ADAMTSL3: variants seen among roughly 807,000 people sequenced by gnomAD.
ADAMTSL3 encodes the protein ADAMTS like 3, also known as ADAMTS-like protein 3.
ADAMTSL3 carries 128 observed loss-of-function variants against 201.7 expected under a neutral mutation model. That is an observed-to-expected ratio of 0.63 (90% CI 0.55 to 0.73). The LOEUF (loss-of-function observed/expected upper bound fraction) is 0.73. ADAMTSL3 is among the 30% of genes least tolerant of loss of function. The probability of loss-of-function intolerance (pLI) is 0.00; values close to 1 mark genes in which losing one functional copy is unlikely to be tolerated. For missense variants in ADAMTSL3, 1,990 were observed against 2,119.6 expected (o/e 0.94, Z 1.20); for synonymous variants, 738 against 748.4 (o/e 0.99, Z 0.23).
chr15:83,769,674 A>C (rs760755697), intron 3 of ADAMTSL3, among the ~76,000 whole-genome samples: 3 of 152,192 alleles, frequency 2.0e-5, no homozygotes, highest in Non-Finnish European at 4.4e-5. Context: ...CCCATTGACC[A>C]GTGAGACTTG....
At chr15:84,027,518 C>T (rs1008198796) in intron 27 of ADAMTSL3, among the ~76,000 whole-genome samples, 7 of 151,890 alleles carry the variant, frequency 4.6e-5, no homozygotes, top group Non-Finnish European at 1.0e-4. Flanking sequence ...AGGTCATCCT[C>T]GCTAACATGG....
intron 17 of ADAMTSL3, among the ~76,000 whole-genome samples, chr15:83,928,435 T>G (rs979096820): frequency 6.6e-6 from 1 of 152,198 alleles, no homozygotes; most frequent in African/African-American, 2.4e-5. Flanking sequence ...ATGAAGCTAG[T>G]CTTCACCAGA....
chr15:83,884,056 C>T (rs1375018653), intron 9 of ADAMTSL3, among the ~76,000 whole-genome samples: 2 of 151,942 alleles, frequency 1.3e-5, no homozygotes, highest in African/African-American at 2.4e-5. Flanking sequence ...CCACACCCAG[C>T]TAATTTTTGT....
chr15:83,797,971 T>C (rs1002642107), intron 4 of ADAMTSL3, among the ~76,000 whole-genome samples: 1 of 152,162 alleles, frequency 6.6e-6, no homozygotes, highest in Admixed American at 6.5e-5. Flanking sequence ...AATTGATCAA[T>C]GAAGAATAAA....
chr15:83,692,030 A>C (rs1015966367), intron 2 of ADAMTSL3, among the ~76,000 whole-genome samples: 2 of 152,236 alleles, frequency 1.3e-5, no homozygotes, highest in East Asian at 3.8e-4. Flanking sequence ...ACCTTAAAAT[A>C]TGCCAACTTA....
intron 17 of ADAMTSL3, among the ~76,000 whole-genome samples, chr15:83,926,684 T>G (rs1048079273): frequency 5.3e-5 from 8 of 151,292 alleles, no homozygotes; most frequent in African/African-American, 1.9e-4. Context: ...CACAATCTTA[T>G]GGCTCGCTGC....
At chr15:83,669,634 AT>A (rs1282564233) in intron 2 of ADAMTSL3, among the ~76,000 whole-genome samples, 2 of 141,778 alleles carry the variant, frequency 1.4e-5, no homozygotes, top group Non-Finnish European at 1.5e-5. Flanking sequence ...CGCCCGGCTA[AT>A]TTTTTTGTAT....
At chr15:83,665,747 G>A (rs1200243599) in intron 2 of ADAMTSL3, among the ~76,000 whole-genome samples, 2 of 152,148 alleles carry the variant, frequency 1.3e-5, no homozygotes, top group Non-Finnish European at 2.9e-5. Flanking sequence ...ATTACTTTCT[G>A]GAATTTGTCA....
chr15:83,867,085 C>T (rs1257634308), intron 8 of ADAMTSL3, among the ~76,000 whole-genome samples: 4 of 152,088 alleles, frequency 2.6e-5, no homozygotes, highest in African/African-American at 7.2e-5. Context: ...ATTTATGCAA[C>T]TTTTTTCTTA....
At chr15:83,956,578 T>A (rs944677364) in intron 19 of ADAMTSL3, among the ~76,000 whole-genome samples, 1 of 152,212 alleles carries the variant, frequency 6.6e-6, no homozygotes, top group African/African-American at 2.4e-5. Flanking sequence ...TCTGACAGTT[T>A]ACTCTTATAT....
At chr15:83,894,605 A>G (rs2065576119) in intron 13 of ADAMTSL3, among the ~76,000 whole-genome samples, 1 of 152,164 alleles carries the variant, frequency 6.6e-6, no homozygotes, top group African/African-American at 2.4e-5. Flanking sequence ...CTTTGAACTC[A>G]CATTTGCAAT....
At chr15:83,672,045 G>A (rs922612923) in intron 2 of ADAMTSL3, among the ~76,000 whole-genome samples, 3 of 152,060 alleles carry the variant, frequency 2.0e-5, no homozygotes, top group Admixed American at 2.0e-4. Flanking sequence ...AGAGTGTCTT[G>A]CGACCTATAC....
At chr15:83,788,873 G>A (rs1357934437) in intron 4 of ADAMTSL3, among the ~76,000 whole-genome samples, 1 of 151,986 alleles carries the variant, frequency 6.6e-6, no homozygotes, top group East Asian at 1.9e-4. Flanking sequence ...GCAGTGGCTT[G>A]ATCTTGGCTC....
chr15:83,951,525 TG>T (rs2066756717), intron 19 of ADAMTSL3, among the ~76,000 whole-genome samples: 1 of 152,200 alleles, frequency 6.6e-6, no homozygotes, highest in Admixed American at 6.5e-5. Context: ...AATACTGGCC[TG>T]ATAGAATGAG....
chr15:83,822,299 G>A (rs1445106322), intron 6 of ADAMTSL3, among the ~76,000 whole-genome samples: 3 of 139,348 alleles, frequency 2.2e-5, no homozygotes. Context: ...CCGGGCGGAG[G>A]GGCTCCTCAC....
chr15:83,748,289 CA>C (rs1218816236), intron 3 of ADAMTSL3, among the ~76,000 whole-genome samples: 3 of 152,110 alleles, frequency 2.0e-5, no homozygotes, highest in Non-Finnish European at 2.9e-5. Flanking sequence ...TCTTCATTAT[CA>C]AGATTGTCAT....
At chr15:83,964,697 G>C (rs114236888) in intron 19 of ADAMTSL3, among the ~76,000 whole-genome samples, 2 of 152,058 alleles carry the variant, frequency 1.3e-5, no homozygotes, top group African/African-American at 2.4e-5. Context: ...TCCTCTAGAA[G>C]AACAACCCCA....
chr15:83,837,529 C>G (rs1000821054), intron 6 of ADAMTSL3, among the ~76,000 whole-genome samples: 4 of 151,914 alleles, frequency 2.6e-5, no homozygotes, highest in African/African-American at 9.7e-5. Context: ...GCCTGTAATC[C>G]CAGCACTTTG....
At position 83,819,811 on chromosome 15, in the gene ADAMTSL3, G is replaced by A; in HGVS notation, c.364G>A (p.Asp122Asn). The change falls in exon 6 of 30, where the codon GAC becomes AAC. Residue 122 changes from aspartate to asparagine, a missense_variant and splice_region_variant. Asp to Asn is a conservative substitution (Grantham distance 23). Coordinates refer to ENST00000286744, the MANE Select transcript of ADAMTSL3 (RefSeq NM_207517.3). The stretch of plus-strand genomic sequence containing the variant: ...TGTGGCCTTTTCCCTCTGCCCCCAG[G>A]ACTGCCCTCCAGATGCAGAAGATTT... ...NIRYKTCSNH[D>N]CPPDAEDFRA... 1 of 1,612,768 alleles carries A rather than the reference G, an allele frequency of 6.2e-7. No individual in the cohort carries two copies. The highest frequency in any genetic ancestry group is 8.5e-7 in the Non-Finnish European group (1 of 1,179,420).
Sources: allele counts gnomAD v4.1 joint callset (sites outside exome capture counted in the v4.1 genomes callset), GRCh38; gene constraint gnomAD v4.1.1; transcripts MANE v1.5; gene names NCBI Gene and HGNC (gene_info 2026-07-23, HGNC 2026-07-21).